CR1: variants seen among roughly 807,000 people sequenced by gnomAD.
The protein encoded by CR1 is complement C3b/C4b receptor 1 (Knops blood group).
Under a neutral mutation model 187.3 loss-of-function variants are expected in CR1, and 116 were observed. That is an observed-to-expected ratio of 0.62 (90% CI 0.53 to 0.72). The LOEUF (loss-of-function observed/expected upper bound fraction) is 0.72. CR1 is among the 30% of genes least tolerant of loss of function. The pLI is 0.00. For synonymous variants in CR1, 576 were observed against 747.1 expected (o/e 0.77, Z 3.73); for missense variants, 1,731 against 2,110.7 (o/e 0.82, Z 3.52).
At chr1:207,613,124 C>G (rs1257992171) in intron 39 of CR1, among the ~76,000 whole-genome samples, 1 of 152,028 alleles carries the variant, frequency 6.6e-6, no homozygotes, top group Non-Finnish European at 1.5e-5. Flanking sequence ...GTTGTTGTCC[C>G]GCATCCAAGA....
intron 35 of CR1, among the ~76,000 whole-genome samples, chr1:207,593,749 A>C (rs926441055): frequency 3.9e-5 from 6 of 152,264 alleles, no homozygotes; most frequent in African/African-American, 1.4e-4. Context: ...CAAGGAACTT[A>C]AACAAATTTA....
At chr1:207,628,874 T>C (rs2102412561) in intron 45 of CR1, among the ~76,000 whole-genome samples, 1 of 152,292 alleles carries the variant, frequency 6.6e-6, no homozygotes, top group Middle Eastern at 3.4e-3. Flanking sequence ...TTATTCTGAG[T>C]CATTAGGCTA....
chr1:207,625,953 T>C (rs1329485750), intron 45 of CR1, among the ~76,000 whole-genome samples: 1 of 152,264 alleles, frequency 6.6e-6, no homozygotes, highest in African/African-American at 2.4e-5. Context: ...GCCTATATTT[T>C]AGCAGAGTTC....
chr1:207,503,858 C>T (rs528982964), intron 1 of CR1, among the ~76,000 whole-genome samples: 2 of 152,196 alleles, frequency 1.3e-5, no homozygotes, highest in African/African-American at 2.4e-5. Flanking sequence ...CATTAGGGTC[C>T]GGTTTAGTAG....
chr1:207,526,421 C>T (rs1660173359), intron 5 of CR1, among the ~76,000 whole-genome samples: 2 of 150,362 alleles, frequency 1.3e-5, no homozygotes, highest in South Asian at 2.1e-4. Context: ...TACGAAAATC[C>T]ATCATTCCTC....
In CR1 at chr1:207,534,559, CA is replaced by C; in HGVS notation, c.1751+266del. On this transcript the variant is annotated intron_variant, in intron 11 of 46. Coordinates refer to ENST00000367049, the MANE Select transcript of CR1 (RefSeq NM_000651.6). ...GAAAAAAACTTAGAAGTGTAGTAGT[CA>C]AAGCACACAAACAACCCTAACCCAG... 1.6e-5 allele frequency: 2 copies of C among 121,536 alleles called. 1 individual carries two copies. The highest frequency in any genetic ancestry group is 3.5e-5 in the Non-Finnish European group (2 of 57,672). 7.5% of individuals were successfully genotyped at this position (121,536 alleles called of 1,614,324 possible).
intron 1 of CR1, 85 bp downstream of exon 1, chr1:207,496,473 G>A (rs1659089978): frequency 3.0e-6 from 4 of 1,334,280 alleles, no homozygotes; most frequent in Non-Finnish European, 4.0e-6. Flanking sequence ...GCGCTGAGCT[G>A]CGCTGCTCTG....
intron 23 of CR1, among the ~76,000 whole-genome samples, chr1:207,565,371 A>G (rs996604092): frequency 2.0e-5 from 3 of 150,260 alleles, no homozygotes; most frequent in African/African-American, 7.6e-5. Flanking sequence ...TCACGCCATC[A>G]CAGATGTGGA....
At position 207,588,915 on chromosome 1, in the gene CR1, G is replaced by A. The variant is rs546363897; in HGVS notation, c.5810+141G>A. Reference sequence around the variant, plus strand: ...TAGGACTTATAGATGGAGATGATACGTTGGACATAGCCATATGATCAAAGG... The same window carrying A: ...TAGGACTTATAGATGGAGATGATACATTGGACATAGCCATATGATCAAAGG... On this transcript the variant is annotated intron_variant, in intron 35 of 46. Coordinates refer to ENST00000367049, the MANE Select transcript of CR1 (RefSeq NM_000651.6). The A allele has an allele frequency of 9.7e-4, 592 of 613,452 alleles. 2 individuals carry two copies. The highest frequency in any genetic ancestry group is 1.7e-3 in the South Asian group (78 of 45,694). 38.0% of individuals were successfully genotyped at this position (613,452 alleles called of 1,614,324 possible). A position where few individuals can be genotyped will look rare whatever the true frequency, so the allele number is the denominator to read the frequency against.
chr1:207,508,690 C>A (rs180873270), intron 3 of CR1, among the ~76,000 whole-genome samples: 1 of 151,786 alleles, frequency 6.6e-6, no homozygotes, highest in African/African-American at 2.4e-5. Flanking sequence ...CTATTCCCTG[C>A]ATGTGAATCT....
chr1:207,628,936 G>A (rs1438388073), intron 45 of CR1, among the ~76,000 whole-genome samples: 4 of 152,076 alleles, frequency 2.6e-5, no homozygotes, highest in Admixed American at 2.0e-4. Context: ...GAGATTTCCT[G>A]GCGTTTCACA....
intron 35 of CR1, among the ~76,000 whole-genome samples, chr1:207,599,769 G>T (rs2102371001): frequency 6.6e-6 from 1 of 152,308 alleles, no homozygotes; most frequent in Middle Eastern, 3.4e-3. Flanking sequence ...TGACAAATTT[G>T]GAGGAGATAT....
intron 46 of CR1, among the ~76,000 whole-genome samples, chr1:207,636,403 A>G (rs1026418692): frequency 7.2e-5 from 11 of 151,896 alleles, no homozygotes; most frequent in African/African-American, 2.4e-4. Flanking sequence ...GCATCTGACC[A>G]TGTCCCAGTG....
At chr1:207,618,283 G>T (rs1662209107) in intron 42 of CR1, 36 bp downstream of exon 42, 1 of 1,592,748 alleles carries the variant, frequency 6.3e-7, no homozygotes, top group South Asian at 1.1e-5. Context: ...TTCTTGCTGG[G>T]TTGTATGGAA....
At chr1:207,610,243 TAC>T (rs751183306) in intron 37 of CR1, among the ~76,000 whole-genome samples, 2 of 152,010 alleles carry the variant, frequency 1.3e-5, no homozygotes, top group Non-Finnish European at 2.9e-5. Context: ...TATATGTATA[TAC>T]ACACACACAC....
chr1:207,510,838 T>C (rs976888925), intron 3 of CR1, among the ~76,000 whole-genome samples: 24 of 151,498 alleles, frequency 1.6e-4, no homozygotes, highest in African/African-American at 5.1e-4. Flanking sequence ...TTTTTTTTTT[T>C]TGATACAATG....
intron 5 of CR1, among the ~76,000 whole-genome samples, chr1:207,526,054 C>T (rs1160054839): frequency 6.6e-6 from 1 of 152,028 alleles, no homozygotes; most frequent in African/African-American, 2.4e-5. Flanking sequence ...AAGAGAGAGC[C>T]AGCGCTGCCC....
intron 40 of CR1, among the ~76,000 whole-genome samples, chr1:207,614,905 G>T (rs913360422): frequency 5.3e-5 from 8 of 152,084 alleles, no homozygotes; most frequent in African/African-American, 1.9e-4. Context: ...AACCTCCTGG[G>T]CTCAAATGAC....
chr1:207,638,870 C>T (rs774759732), intron 46 of CR1, among the ~76,000 whole-genome samples: 5 of 152,178 alleles, frequency 3.3e-5, no homozygotes, highest in Non-Finnish European at 7.3e-5. Context: ...GTGGGGGCTC[C>T]CCTGGAAGCA....
Sources: allele counts gnomAD v4.1 joint callset (sites outside exome capture counted in the v4.1 genomes callset), GRCh38; gene constraint gnomAD v4.1.1; transcripts MANE v1.5; gene names NCBI Gene and HGNC (gene_info 2026-07-23, HGNC 2026-07-21).